Variants in RHEX observed in about 807,000 individuals in gnomAD.
RHEX encodes the protein regulator of hemoglobinization and erythroid cell expansion protein.
Under a neutral mutation model 20.1 loss-of-function variants are expected in RHEX, and 18 were observed. That is an observed-to-expected ratio of 0.90 (90% CI 0.62 to 1.33). RHEX has a LOEUF of 1.33. Among genes scored for constraint, RHEX ranks in the 40% most tolerant of loss-of-function variants. RHEX has a pLI of 0.00. For synonymous variants in RHEX, 87 were observed against 77.1 expected (o/e 1.13, Z -0.67); for missense variants, 192 against 214.3 (o/e 0.90, Z 0.65).
intron 1 of RHEX, among the ~76,000 whole-genome samples, chr1:206,065,238 A>C (rs1553284065): frequency 6.6e-6 from 1 of 151,824 alleles, no homozygotes; most frequent in Admixed American, 6.6e-5. Flanking sequence ...ACACTGCCAA[A>C]TCCCCCTCTG....
intron 1 of RHEX, among the ~76,000 whole-genome samples, chr1:206,086,052 A>C (rs1662833505): frequency 6.6e-6 from 1 of 151,976 alleles, no homozygotes; most frequent in Admixed American, 6.6e-5. Context: ...TATTTGGCAC[A>C]CTCCATCCCT....
chr1:206,097,799 G>A lies in RHEX; in HGVS notation c.-30G>A, dbSNP rs1663104092. 1.2e-6 allele frequency: 2 copies of A among 1,614,098 alleles called. No homozygotes were observed. Among genetic ancestry groups the A allele is most frequent in the African/African-American group, 1.3e-5 (1 of 75,062 alleles). On this transcript the variant is annotated 5_prime_UTR_variant, in exon 2 of 6. Transcript: ENST00000331555. ...GCCAGGGTGGTTCCTGAAAGTGCCT[G>A]AGCCCCAACTTATCAGCAAGGAGCT...
Position 206,067,302 on chromosome 1 carries a change from G to A in RHEX, c.-97+14037G>A, listed in dbSNP as rs1255893089. Among the ~76,000 whole-genome samples the A allele has an allele frequency of 6.6e-6, 1 of 152,082 alleles. No homozygotes were observed. The highest frequency in any genetic ancestry group is 2.4e-5 in the African/African-American group (1 of 41,392). On this transcript the variant is annotated intron_variant, in intron 1 of 5. Coordinates refer to ENST00000331555, the MANE Select transcript of RHEX (RefSeq NM_001007544.4). This position sits in a 1 kb window ranked among gnomAD's most constrained non-coding sequence, Gnocchi z 4.6. ...CAGGGGACTCCAGAACGTGATTCCC[G>A]GTCTCTCCACCTTAATCCTGTCATC... is the stretch of plus-strand genomic sequence containing the variant.
intron 1 of RHEX, among the ~76,000 whole-genome samples, chr1:206,090,529 A>G (rs184272955): frequency 1.3e-5 from 2 of 152,110 alleles, no homozygotes; most frequent in Admixed American, 1.3e-4. Context: ...TCAAATTGCA[A>G]TTTCCACTCT....
At chr1:206,097,968 C>T (rs546955865) in intron 2 of RHEX, 113 bp from the exon 3 acceptor site, 4 of 1,168,480 alleles carry the variant, frequency 3.4e-6, no homozygotes, top group African/African-American at 1.5e-5. Context: ...AGGGACCTAC[C>T]CTGGGACACG....
intron 1 of RHEX, among the ~76,000 whole-genome samples, chr1:206,072,748 G>A (rs1662560824): frequency 6.6e-6 from 1 of 151,982 alleles, no homozygotes; most frequent in South Asian, 2.1e-4. Context: ...AAGAAAGCAG[G>A]GTGACAGCCA....
intron 1 of RHEX, among the ~76,000 whole-genome samples, chr1:206,076,566 T>C (rs1662641207): frequency 6.6e-6 from 1 of 152,362 alleles, no homozygotes; most frequent in Non-Finnish European, 1.5e-5. Context: ...GATTTTCTTG[T>C]TCCTTGACAA....
In RHEX at chr1:206,101,587, ATCT is replaced by A. The variant is rs138561284; in HGVS notation, c.319-162_319-160del. 4.3e-4 allele frequency among the ~76,000 whole-genome samples: 65 copies of A among 152,236 alleles called. No homozygotes were observed. The East Asian group carries it at 0.011, about 27-fold the overall frequency. On this transcript the variant is annotated intron_variant, in intron 5 of 5. Transcript: ENST00000331555. ...GACAGGTGGAACAAAGTCACTGGTA[ATCT>A]TCCTCATTGCCCTGGACTGCTCCCA...
rs1571873653 is a variant in RHEX at position 206,096,785 on chromosome 1, T to TTG, written c.-96-947_-96-946insGT. On this transcript the variant is annotated intron_variant, in intron 1 of 5. Coordinates refer to ENST00000331555, the MANE Select transcript of RHEX (RefSeq NM_001007544.4). ...CCCCTGTTTTTTTTTTTTTTGGTTT[T>TTG]TTTTTTTGAGACAGGGTCTTGCTCT... Among the ~76,000 whole-genome samples, 57 of 147,584 alleles carry TTG rather than the reference T, an allele frequency of 3.9e-4. No individual in the cohort carries two copies. The East Asian group carries it at 9.6e-3, about 25-fold the overall frequency.
intron 1 of RHEX, among the ~76,000 whole-genome samples, chr1:206,065,086 A>G (rs556530145): frequency 1.5e-4 from 23 of 152,184 alleles, no homozygotes; most frequent in African/African-American, 5.3e-4. Flanking sequence ...CAGCATGCTC[A>G]TTAAGAGTCA....
chr1:206,081,248 T>A (rs138349873), intron 1 of RHEX, among the ~76,000 whole-genome samples: 26 of 152,318 alleles, frequency 1.7e-4, no homozygotes, highest in African/African-American at 6.3e-4. Context: ...CATTTATCCA[T>A]GCCACAAACA....
intron 1 of RHEX, among the ~76,000 whole-genome samples, chr1:206,082,097 G>A (rs567378011): frequency 1.1e-3 from 168 of 152,280 alleles, no homozygotes; most frequent in African/African-American, 3.9e-3. Flanking sequence ...CATGAACTAT[G>A]CAAAGGGAAG....
In RHEX at chr1:206,054,589, T is replaced by C. The variant is rs980957330; in HGVS notation, c.-97+1324T>C. Among the ~76,000 whole-genome samples, 6 of 152,262 alleles carry C rather than the reference T, an allele frequency of 3.9e-5. No homozygotes were observed. In the East Asian group the frequency reaches 1.2e-3, roughly 29 times the overall value. On this transcript the variant is annotated intron_variant, in intron 1 of 5. Coordinates refer to ENST00000331555, the MANE Select transcript of RHEX (RefSeq NM_001007544.4). ...GGTATCATCCAGTTTTTCTGTGAAC[T>C]GGACATTAAAGTAAAAAATGCCACA... is the stretch of plus-strand genomic sequence containing the variant.
intron 1 of RHEX, among the ~76,000 whole-genome samples, chr1:206,087,680 T>G (rs1300365474): frequency 6.6e-6 from 1 of 152,240 alleles, no homozygotes; most frequent in Non-Finnish European, 1.5e-5. Flanking sequence ...CAATGTTCTA[T>G]TAACATGGTG....
At chr1:206,065,222 C>T (rs1288635432) in intron 1 of RHEX, among the ~76,000 whole-genome samples, 1 of 151,900 alleles carries the variant, frequency 6.6e-6, no homozygotes, top group Non-Finnish European at 1.5e-5. Flanking sequence ...CCACTATTGT[C>T]CTATGACACT....
At chr1:206,059,519 C>A (rs1263752585) in intron 1 of RHEX, among the ~76,000 whole-genome samples, 1 of 152,170 alleles carries the variant, frequency 6.6e-6, no homozygotes, top group Non-Finnish European at 1.5e-5. Context: ...CAGCCAGCTC[C>A]CCAAGACATG....
chr1:206,098,849 C>T (rs562330032), intron 3 of RHEX, among the ~76,000 whole-genome samples: 10 of 152,308 alleles, frequency 6.6e-5, no homozygotes, highest in African/African-American at 9.6e-5. Context: ...TTCCTACCCC[C>T]GGAATCTTTC....
At chr1:206,071,302 C>T (rs1259530950) in intron 1 of RHEX, among the ~76,000 whole-genome samples, 1 of 152,154 alleles carries the variant, frequency 6.6e-6, no homozygotes, top group Non-Finnish European at 1.5e-5. Flanking sequence ...CATGATTCCT[C>T]TGCCAGCTTT....
chr1:206,053,931 A>T (rs1345324136), intron 1 of RHEX, among the ~76,000 whole-genome samples: 2 of 152,274 alleles, frequency 1.3e-5, no homozygotes, highest in African/African-American at 4.8e-5. Flanking sequence ...AAGTTAATTT[A>T]GACTAAACAA....
Sources: gnomAD v4.1 joint callset for allele counts (sites outside exome capture counted in the v4.1 genomes callset) on GRCh38, gnomAD v4.1.1 for gene constraint, Gnocchi (gnomAD v3.1) non-coding constraint, MANE v1.5 for transcripts, NCBI Gene and HGNC (gene_info 2026-07-23, HGNC 2026-07-21) for gene names.